CNTNAP2: variants seen among roughly 807,000 people sequenced by gnomAD.
CNTNAP2 encodes contactin associated protein 2.
A neutral mutation model predicts 155.2 loss-of-function variants in CNTNAP2; 98 were observed. The ratio of observed to expected loss-of-function variants is 0.63; its 90% CI spans 0.54 to 0.75. CNTNAP2 has a LOEUF of 0.75. CNTNAP2 is among the 30% of genes least tolerant of loss of function. CNTNAP2 has a pLI of 0.00. For missense variants in CNTNAP2, 1,727 were observed against 1,688.1 expected (o/e 1.02, Z -0.40); for synonymous variants, 651 against 631.2 (o/e 1.03, Z -0.47).
intron 15 of CNTNAP2, among the ~76,000 whole-genome samples, chr7:147,996,034 T>C (rs1801798863): frequency 6.6e-6 from 1 of 152,224 alleles, no homozygotes; most frequent in African/African-American, 2.4e-5. Context: ...CTTCTGAGGC[T>C]GTGAGGGTCA....
In CNTNAP2 at chr7:148,172,281, G is replaced by A. The variant is rs1048353998; in HGVS notation, c.2813G>A (p.Arg938His). ...CAGCAGGGCTTCCTGGGCTGCATCC[G>A]CTCCTTGAGGATGAATGGGGTGACA... ...GGQQGFLGCIRSLRMNGVTLD... is the reference protein window; with the variant it reads ...GGQQGFLGCIHSLRMNGVTLD... Residue 938 changes from arginine to histidine, a missense_variant, in exon 18 of 24, where the codon CGC (arginine) becomes CAC (histidine). By Grantham distance (29) the Arg-to-His change is conservative (BLOSUM62 0). Transcript: ENST00000361727. 1.4e-5 allele frequency: 23 copies of A among 1,613,952 alleles called. No homozygotes were observed. The highest frequency in any genetic ancestry group is 2.2e-5 in the East Asian group (1 of 44,890).
At chr7:146,457,205 C>T (rs989841470) in intron 1 of CNTNAP2, among the ~76,000 whole-genome samples, 5 of 149,582 alleles carry the variant, frequency 3.3e-5, no homozygotes, top group South Asian at 4.2e-4. Flanking sequence ...CAGTCACAGA[C>T]GTATTTTTAG....
intron 12 of CNTNAP2, among the ~76,000 whole-genome samples, chr7:147,617,620 A>G (rs1186797642): frequency 6.6e-6 from 1 of 152,184 alleles, no homozygotes; most frequent in East Asian, 1.9e-4. Flanking sequence ...TTTGCCACCA[A>G]GCATAACCCC....
chr7:146,679,615 A>G (rs192306599), intron 1 of CNTNAP2, among the ~76,000 whole-genome samples: 2 of 152,138 alleles, frequency 1.3e-5, no homozygotes, highest in Non-Finnish European at 1.5e-5. Flanking sequence ...TTGGCCTCCC[A>G]AAGTGCTAGG....
At position 146,287,048 on chromosome 7, in the gene CNTNAP2, G is replaced by A. The variant is rs537503445; in HGVS notation, c.97+170075G>A. On this transcript the variant is annotated intron_variant, in intron 1 of 23. Transcript: ENST00000361727. Reference sequence around the variant, plus strand: ...CAATAAGAAGAGCAAGTATTGCTAAGAGTCACCTAAAAGCAACTGCAAAAT... The same window carrying A: ...CAATAAGAAGAGCAAGTATTGCTAAAAGTCACCTAAAAGCAACTGCAAAAT... Among the ~76,000 whole-genome samples, 309 of 152,300 alleles carry A rather than the reference G, an allele frequency of 2.0e-3. 3 individuals carry two copies. Among genetic ancestry groups the A allele is most frequent in the African/African-American group, 7.0e-3 (290 of 41,562 alleles).
At chr7:148,159,806 C>T (rs1805482688) in intron 17 of CNTNAP2, among the ~76,000 whole-genome samples, 2 of 152,128 alleles carry the variant, frequency 1.3e-5, no homozygotes, top group Non-Finnish European at 2.9e-5. Context: ...GTGGTAGCTT[C>T]GGGTAATTGA....
chr7:147,508,703 C>T (rs186977318), intron 11 of CNTNAP2, among the ~76,000 whole-genome samples: 10 of 152,224 alleles, frequency 6.6e-5, no homozygotes, highest in African/African-American at 2.2e-4. Flanking sequence ...CAGATTTTCC[C>T]GTGCTGTTCT....
chr7:147,055,395 G>C (rs1306107365), intron 4 of CNTNAP2, among the ~76,000 whole-genome samples: 1 of 152,194 alleles, frequency 6.6e-6, no homozygotes, highest in Non-Finnish European at 1.5e-5. Context: ...CATGTCTGAT[G>C]AAAGAAGAAA....
intron 15 of CNTNAP2, among the ~76,000 whole-genome samples, chr7:147,978,532 T>C (rs1801469955): frequency 6.6e-6 from 1 of 152,156 alleles, no homozygotes; most frequent in Non-Finnish European, 1.5e-5. Flanking sequence ...TCAAGATTAG[T>C]CACCCCAGAG....
At chr7:147,445,716 T>C (rs1013639889) in intron 10 of CNTNAP2, among the ~76,000 whole-genome samples, 4 of 152,246 alleles carry the variant, frequency 2.6e-5, no homozygotes, top group African/African-American at 4.8e-5. Context: ...ACTCTGTTCA[T>C]GATACCAAAA....
At chr7:147,731,119 G>T (rs1477154970) in intron 13 of CNTNAP2, among the ~76,000 whole-genome samples, 1 of 152,114 alleles carries the variant, frequency 6.6e-6, no homozygotes, top group Non-Finnish European at 1.5e-5. Context: ...AACAGCAAAT[G>T]CTGATGTAGA....
intron 13 of CNTNAP2, among the ~76,000 whole-genome samples, chr7:147,708,313 G>A (rs1796348694): frequency 6.6e-6 from 1 of 152,090 alleles, no homozygotes; most frequent in Admixed American, 6.5e-5. Context: ...GGGATATTGG[G>A]GTCACAGTCA....
chr7:148,301,292 T>TAAAAAAAAAA (rs1191956788), intron 21 of CNTNAP2, among the ~76,000 whole-genome samples: 1 of 118,784 alleles, frequency 8.4e-6, no homozygotes, highest in African/African-American at 3.5e-5. Context: ...AGACTCCGTC[T>TAAAAAAAAAA]AAAAAAAAAA....
rs866742285 is a variant in CNTNAP2 at position 147,033,801 on chromosome 7, A to G, written c.403-10106A>G. Among the ~76,000 whole-genome samples, 547 of 150,594 alleles carry G rather than the reference A, an allele frequency of 3.6e-3. 8 individuals carry two copies. Among genetic ancestry groups the G allele is most frequent in the African/African-American group, 0.012 (505 of 41,128 alleles). On this transcript the variant is annotated intron_variant, in intron 3 of 23. Transcript: ENST00000361727. ...AATCACAATTGAGTGAAGAGGGGAA[A>G]AAAAAAAAAAAAACACAGGATGCTC...
Position 146,721,887 on chromosome 7 carries a change from A to ATTTTTTTTT in CNTNAP2, c.98-52383_98-52382insTTTTTTTTT, listed in dbSNP as rs1265800742. Among the ~76,000 whole-genome samples the ATTTTTTTTT allele has an allele frequency of 4.4e-4, 36 of 81,992 alleles. 3 individuals are homozygous for ATTTTTTTTT. In the African/African-American group the frequency reaches 6.4e-3, roughly 15 times the overall value. 53.8% of individuals were successfully genotyped at this position (81,992 alleles called of 152,430 possible). A position where few individuals can be genotyped will look rare whatever the true frequency, so the allele number is the denominator to read the frequency against. On this transcript the variant is annotated intron_variant, in intron 1 of 23. Transcript: ENST00000361727. ...TGTGTGTGTGTGTGTATATATATAT[A>ATTTTTTTTT]TATTTTTTTTTTTTTTTTTGAGATG...
At chr7:148,368,282 G>A (rs1439462454) in intron 21 of CNTNAP2, among the ~76,000 whole-genome samples, 1 of 152,184 alleles carries the variant, frequency 6.6e-6, no homozygotes, top group Non-Finnish European at 1.5e-5. Flanking sequence ...GTTGCTGGCG[G>A]CTACAACTGA....
intron 13 of CNTNAP2, among the ~76,000 whole-genome samples, chr7:147,785,449 G>T (rs147358632): frequency 6.6e-6 from 1 of 152,030 alleles, no homozygotes; most frequent in Admixed American, 6.6e-5. Context: ...TTACTATTTG[G>T]TAGAATAATA....
intron 5 of CNTNAP2, among the ~76,000 whole-genome samples, chr7:147,114,112 A>T (rs964020796): frequency 6.6e-6 from 1 of 152,124 alleles, no homozygotes; most frequent in African/African-American, 2.4e-5. Context: ...CTTTCCATGT[A>T]GTTGTGTCGT....
chr7:148,118,339 G>C, intron 16 of CNTNAP2, 51 bp downstream of exon 16: 3 of 1,594,598 alleles, frequency 1.9e-6, no homozygotes, highest in Non-Finnish European at 2.6e-6. Context: ...CGTCACCTCA[G>C]GGTGGTCCGG....
Sources: gnomAD v4.1 joint callset for allele counts (sites outside exome capture counted in the v4.1 genomes callset) on GRCh38, gnomAD v4.1.1 for gene constraint, MANE v1.5 for transcripts, NCBI Gene and HGNC (gene_info 2026-07-23, HGNC 2026-07-21) for gene names.